F2: variants seen among roughly 807,000 people sequenced by gnomAD.
The protein encoded by F2 is coagulation factor II, thrombin, also known as prothrombin.
Under a neutral mutation model 81.9 loss-of-function variants are expected in F2, and 34 were observed. The ratio of observed to expected loss-of-function variants is 0.42; its 90% CI spans 0.32 to 0.55. The LOEUF is 0.55. Among genes scored for constraint, F2 ranks in the 20% least tolerant of loss-of-function variants. The pLI, the probability that F2 is intolerant of heterozygous loss-of-function variation, is 0.18. For missense variants in F2, 630 were observed against 833.4 expected, an observed-to-expected ratio of 0.76 and a Z score of 3.00; for synonymous variants, 296 against 326.4, an observed-to-expected ratio of 0.91 and a Z score of 1.01.
In F2 at chr11:46,728,337, A is replaced by G. The variant is rs528311864; in HGVS notation, c.1298+174A>G. Among the ~76,000 whole-genome samples the G allele has an allele frequency of 2.6e-5, 4 of 152,280 alleles. No individual in the cohort carries two copies. The highest frequency in any genetic ancestry group is 9.6e-5 in the African/African-American group (4 of 41,566). On this transcript the variant is annotated intron_variant, in intron 10 of 13. Coordinates refer to ENST00000311907, the MANE Select transcript of F2 (RefSeq NM_000506.5). This position sits in a 1 kb window ranked among gnomAD's most constrained non-coding sequence, Gnocchi z 5.1. Reference sequence around the variant, plus strand: ...TGGTCACGTCCTGACTGAGGCTTGGAGCTGCGGGGAGAAATCCGTCTGTCT... The same window carrying G: ...TGGTCACGTCCTGACTGAGGCTTGGGGCTGCGGGGAGAAATCCGTCTGTCT...
intron 12 of F2, among the ~76,000 whole-genome samples, chr11:46,734,185 C>A (rs2064930832): frequency 6.6e-6 from 1 of 152,072 alleles, no homozygotes; most frequent in Non-Finnish European, 1.5e-5. Context: ...GCAGCCTCCA[C>A]TTCCCTGGTT....
intron 2 of F2, 82 bp from the exon 3 acceptor site, chr11:46,720,441 G>A (rs1005115604): frequency 7.3e-6 from 11 of 1,515,500 alleles, no homozygotes; most frequent in Non-Finnish European, 2.8e-6. Context: ...GTAAAGGAAA[G>A]TGTGAGGAGG....
chr11:46,731,117 A>G (rs1253999942), intron 12 of F2, among the ~76,000 whole-genome samples: 1 of 152,104 alleles, frequency 6.6e-6, no homozygotes, highest in African/African-American at 2.4e-5. Flanking sequence ...GGGTTTCACC[A>G]TGTTGGCCAG....
intron 11 of F2, 67 bp from the exon 12 acceptor site, chr11:46,729,313 A>G (rs2064895770): frequency 6.5e-7 from 1 of 1,546,622 alleles, no homozygotes; most frequent in Non-Finnish European, 8.9e-7. Flanking sequence ...TCTCTAAGAA[A>G]TGGCGTTGGG....
In F2 at chr11:46,721,547, A is replaced by G. The variant is rs143116116; in HGVS notation, c.316+707A>G. 5.8e-4 allele frequency among the ~76,000 whole-genome samples: 88 copies of G among 152,298 alleles called. No individual in the cohort carries two copies. The East Asian group carries it at 0.011, about 19-fold the overall frequency. ...GCACCTGGCCTTGCATATGTTGTCA[A>G]TTTCCTCTGGAGCGACCATCACATC... On this transcript the variant is annotated intron_variant, in intron 4 of 13. Coordinates refer to ENST00000311907, the MANE Select transcript of F2 (RefSeq NM_000506.5).
chr11:46,720,690 C>G, intron 3 of F2, 100 bp from the exon 4 acceptor site: 1 of 1,514,726 alleles, frequency 6.6e-7, no homozygotes, highest in Non-Finnish European at 9.2e-7. Context: ...CCCATCTGTT[C>G]ATCCATCTTT....
At chr11:46,736,226 T>C (rs1235517132) in intron 12 of F2, among the ~76,000 whole-genome samples, 3 of 152,158 alleles carry the variant, frequency 2.0e-5, no homozygotes, top group Non-Finnish European at 4.4e-5. Context: ...AATCAATCAA[T>C]CTTTGAACTA....
intron 9 of F2, among the ~76,000 whole-genome samples, chr11:46,727,182 C>T (rs534824850): frequency 2.8e-4 from 42 of 152,216 alleles, no homozygotes; most frequent in African/African-American, 7.0e-4. Context: ...CCACCACACC[C>T]GGCTAATTTT....
At position 46,726,302 on chromosome 11, in the gene F2, G is replaced by C. The variant is rs2064872768; in HGVS notation, c.874+129G>C. ...TTACAGCCTTACAGTAACCAGGTGGGGGGTAAGGTCCTGTGCCCATTTCAC... is the reference window on the plus strand; with the variant it reads ...TTACAGCCTTACAGTAACCAGGTGGCGGGTAAGGTCCTGTGCCCATTTCAC... On this transcript the variant is annotated intron_variant, in intron 7 of 13. Coordinates refer to ENST00000311907, the MANE Select transcript of F2 (RefSeq NM_000506.5). This position sits in a 1 kb window ranked among gnomAD's most constrained non-coding sequence, Gnocchi z 5.9. 5 of 1,438,362 alleles carry C rather than the reference G, an allele frequency of 3.5e-6. No homozygotes were observed. The highest frequency in any genetic ancestry group is 4.7e-6 in the Non-Finnish European group (5 of 1,056,514). The allele number at this position is 1,438,362 out of a possible 1,614,324, so 89.1% of individuals were successfully genotyped here.
chr11:46,722,287 A>C (rs977042588), intron 4 of F2, among the ~76,000 whole-genome samples: 1 of 152,232 alleles, frequency 6.6e-6, no homozygotes, highest in Non-Finnish European at 1.5e-5. Flanking sequence ...GAGAACAAAA[A>C]TACAAAATAT....
intron 6 of F2, among the ~76,000 whole-genome samples, chr11:46,725,069 CTTTTTT>C (rs71455298): frequency 9.4e-6 from 1 of 106,242 alleles, no homozygotes; most frequent in Admixed American, 1.0e-4. Flanking sequence ...TGCGCCCGGC[CTTTTTT>C]TTTTTTTTTT....
rs1037809645 is a variant in F2 at position 46,725,804 on chromosome 11, C to G, written c.560-55C>G. ...ACCGGGGTTCACACCCCTGTCTGTT[C>G]CGGTCCATGTGTGGTCTCACTCACT... On this transcript the variant is annotated intron_variant, in intron 6 of 13. Transcript: ENST00000311907. 1.3e-5 allele frequency: 21 copies of G among 1,588,198 alleles called. No homozygotes were observed. The African/African-American group carries it at 1.7e-4, about 13-fold the overall frequency.
At chr11:46,725,003 C>T (rs1592411440) in intron 6 of F2, among the ~76,000 whole-genome samples, 1 of 150,356 alleles carries the variant, frequency 6.7e-6, no homozygotes, top group Admixed American at 6.6e-5. Flanking sequence ...AACTCCTGAC[C>T]TTGTGATCCT....
At chr11:46,721,670 G>A (rs1243566309) in intron 4 of F2, among the ~76,000 whole-genome samples, 1 of 152,100 alleles carries the variant, frequency 6.6e-6, no homozygotes, top group Non-Finnish European at 1.5e-5. Flanking sequence ...TGTTCTGAAG[G>A]CACCTTTAGC....
At chr11:46,730,648 A>G (rs990037726) in intron 12 of F2, among the ~76,000 whole-genome samples, 1 of 152,000 alleles carries the variant, frequency 6.6e-6, no homozygotes. Flanking sequence ...TTAAGAAATG[A>G]TGTGACTGAC....
chr11:46,722,367 C>T (rs1390315614), intron 4 of F2, among the ~76,000 whole-genome samples: 1 of 151,974 alleles, frequency 6.6e-6, no homozygotes, highest in Admixed American at 6.6e-5. Context: ...GAGGTGGGCG[C>T]CCAGGCCAGG....
rs373731574 is a variant in F2 at position 46,735,973 on chromosome 11, G to A, written c.1655-3075G>A. ...TAATCCCAGCACTTTGGGAGGCCGA[G>A]GTGGGTGGATCACAAGGTCAGGAGT... On this transcript the variant is annotated intron_variant, in intron 12 of 13. Transcript: ENST00000311907. 3.5e-4 allele frequency among the ~76,000 whole-genome samples: 53 copies of A among 152,144 alleles called. No homozygotes were observed. The South Asian group carries it at 9.5e-3, about 27-fold the overall frequency.
intron 12 of F2, among the ~76,000 whole-genome samples, chr11:46,730,796 A>ATATATATATATATATG (rs942052249): frequency 4.9e-5 from 7 of 142,198 alleles, no homozygotes; most frequent in African/African-American, 1.3e-4. Flanking sequence ...TTATATATAT[A>ATATATATATATATATG]TATGCATAGT....
intron 12 of F2, among the ~76,000 whole-genome samples, chr11:46,734,037 C>T (rs533780980): frequency 1.3e-4 from 20 of 152,032 alleles, no homozygotes; most frequent in Admixed American, 2.0e-4. Context: ...CCTCCCGCCT[C>T]GGCCTCCCAA....
Sources: gnomAD v4.1 joint callset for allele counts (sites outside exome capture counted in the v4.1 genomes callset) on GRCh38, gnomAD v4.1.1 for gene constraint, Gnocchi (gnomAD v3.1) non-coding constraint, MANE v1.5 for transcripts, NCBI Gene and HGNC (gene_info 2026-07-23, HGNC 2026-07-21) for gene names.